The following SLC44A5 variants were observed in gnomAD, a reference collection of about 807,000 sequenced individuals.
SLC44A5 encodes the protein solute carrier family 44 member 5.
In SLC44A5, 57 loss-of-function variants were observed where a neutral mutation model predicts 101.8. That is an observed-to-expected ratio of 0.56 (90% CI 0.45 to 0.70). The LOEUF (loss-of-function observed/expected upper bound fraction) is 0.70, where lower values mean the gene tolerates loss of function less well. SLC44A5 is among the 30% of genes least tolerant of loss of function. The probability of loss-of-function intolerance (pLI) is 0.00; values close to 1 mark genes in which losing one functional copy is unlikely to be tolerated. For missense variants in SLC44A5, 737 were observed against 853.1 expected (o/e 0.86, Z 1.70); for synonymous variants, 281 against 290.9 (o/e 0.97, Z 0.35).
chr1:75,517,420 A>G (rs1186451826), intron 2 of SLC44A5, among the ~76,000 whole-genome samples: 5 of 152,180 alleles, frequency 3.3e-5, no homozygotes, highest in South Asian at 2.1e-4. Context: ...TGACCCAAAA[A>G]AAGTCAGTGA....
intron 1 of SLC44A5, among the ~76,000 whole-genome samples, chr1:75,563,522 AT>A (rs1460576285): frequency 6.6e-6 from 1 of 152,076 alleles, no homozygotes; most frequent in Non-Finnish European, 1.5e-5. Flanking sequence ...TAGAAAAATT[AT>A]TTTTACATAT....
intron 2 of SLC44A5, among the ~76,000 whole-genome samples, chr1:75,525,353 C>T (rs963149693): frequency 1.3e-5 from 2 of 152,070 alleles, no homozygotes; most frequent in Non-Finnish European, 2.9e-5. Context: ...AAGAATATCA[C>T]TTATGGAATA....
chr1:75,499,437 C>T (rs1356410068), intron 2 of SLC44A5, among the ~76,000 whole-genome samples: 1 of 152,206 alleles, frequency 6.6e-6, no homozygotes. Flanking sequence ...GCTTGCCTGC[C>T]ACTCACCTCC....
At chr1:75,227,938 A>C (rs1376897974) in intron 12 of SLC44A5, 81 bp from the exon 13 acceptor site, 1 of 1,117,186 alleles carries the variant, frequency 9.0e-7, no homozygotes, top group Non-Finnish European at 1.3e-6. Context: ...ATACATATCT[A>C]TATGAAACTG....
At chr1:75,601,189 C>T (rs1021264950) in intron 1 of SLC44A5, among the ~76,000 whole-genome samples, 8 of 152,106 alleles carry the variant, frequency 5.3e-5, no homozygotes, top group Non-Finnish European at 5.9e-5. Flanking sequence ...GTGATCAGCA[C>T]AAGAAATAAC....
chr1:75,692,185 C>CTTTTTT, the SLC44A5 span, among the ~76,000 whole-genome samples: 44 of 84,760 alleles, frequency 5.2e-4, 1 homozygote, highest in African/African-American at 6.1e-4. Flanking sequence ...AGATGGGATT[C>CTTTTTT]TTTTTTTTTT....
At chr1:75,711,194 G>C in the SLC44A5 span, among the ~76,000 whole-genome samples, 137,729 of 151,898 alleles carry the variant, frequency 0.91, 62,639 homozygotes, top group Middle Eastern at 0.93. Flanking sequence ...GACTGCATAG[G>C]CCTTGACCCA....
At chr1:75,240,280 C>A (rs2100597395) in intron 9 of SLC44A5, among the ~76,000 whole-genome samples, 2 of 152,126 alleles carry the variant, frequency 1.3e-5, no homozygotes, top group East Asian at 3.9e-4. Flanking sequence ...TTACTTATTT[C>A]CTTTTATGAG....
chr1:75,527,346 ATAGGT>A (rs1349695297), intron 2 of SLC44A5, among the ~76,000 whole-genome samples: 3 of 151,814 alleles, frequency 2.0e-5, no homozygotes, highest in Admixed American at 1.3e-4. Context: ...AGATTGCTTA[ATAGGT>A]TAGGAAGTTC....
At chr1:75,535,292 G>A (rs1403236725) in intron 2 of SLC44A5, among the ~76,000 whole-genome samples, 1 of 152,094 alleles carries the variant, frequency 6.6e-6, no homozygotes, top group East Asian at 1.9e-4. Context: ...TTTGAAGGAA[G>A]AAGGAGGAAA....
intron 2 of SLC44A5, among the ~76,000 whole-genome samples, chr1:75,517,500 G>C (rs189823730): frequency 1.3e-5 from 2 of 152,032 alleles, no homozygotes; most frequent in African/African-American, 4.8e-5. Flanking sequence ...AAACAAAAGC[G>C]GGAAAGCAAA....
intron 6 of SLC44A5, among the ~76,000 whole-genome samples, chr1:75,261,675 C>T (rs1650518287): frequency 6.6e-6 from 1 of 152,038 alleles, no homozygotes; most frequent in Admixed American, 6.5e-5. Context: ...TTTATGAAGC[C>T]AGCATCATCC....
At chr1:75,327,835 A>C (rs2100987483) in intron 4 of SLC44A5, among the ~76,000 whole-genome samples, 1 of 152,374 alleles carries the variant, frequency 6.6e-6, no homozygotes, top group South Asian at 2.1e-4. Flanking sequence ...AAGGCATGTT[A>C]GTGCGTAAAG....
intron 2 of SLC44A5, among the ~76,000 whole-genome samples, chr1:75,489,774 C>G (rs886337124): frequency 2.0e-5 from 3 of 152,170 alleles, no homozygotes; most frequent in Non-Finnish European, 4.4e-5. Flanking sequence ...AGGATATTTA[C>G]AACCAATAAC....
intron 2 of SLC44A5, among the ~76,000 whole-genome samples, chr1:75,409,486 T>G (rs1490051702): frequency 6.6e-6 from 1 of 152,088 alleles, no homozygotes; most frequent in Non-Finnish European, 1.5e-5. Flanking sequence ...GCTACCCTGT[T>G]AGAACAGAGT....
At chr1:75,298,397 T>G (rs1240700017) in intron 5 of SLC44A5, among the ~76,000 whole-genome samples, 1 of 152,196 alleles carries the variant, frequency 6.6e-6, no homozygotes, top group Non-Finnish European at 1.5e-5. Flanking sequence ...TCAACACAGT[T>G]TTTTATTGAG....
At chr1:75,245,257 C>T (rs1488200115) in intron 7 of SLC44A5, among the ~76,000 whole-genome samples, 1 of 152,140 alleles carries the variant, frequency 6.6e-6, no homozygotes, top group African/African-American at 2.4e-5. Context: ...CACACAATGA[C>T]ATTTGCATAT....
intron 22 of SLC44A5, 66 bp downstream of exon 22, chr1:75,213,639 T>G: frequency 1.7e-6 from 2 of 1,168,742 alleles, no homozygotes; most frequent in Non-Finnish European, 2.5e-6. Context: ...TTTCTGTTGT[T>G]TAAGTCATCC....
At chr1:75,619,319 C>T in the SLC44A5 span, among the ~76,000 whole-genome samples, 1 of 152,014 alleles carries the variant, frequency 6.6e-6, no homozygotes, top group Non-Finnish European at 1.5e-5. Context: ...TATGGGACCA[C>T]TGTCATATAT....
Sources: allele counts gnomAD v4.1 joint callset (sites outside exome capture counted in the v4.1 genomes callset), GRCh38; gene constraint gnomAD v4.1.1; transcripts MANE v1.5; gene names NCBI Gene and HGNC (gene_info 2026-07-23, HGNC 2026-07-21).